The following LRP1B variants were observed in gnomAD, a reference collection of about 807,000 sequenced individuals.
LRP1B encodes low-density lipoprotein receptor-related protein 1B.
LRP1B carries 217 observed loss-of-function variants against 556.6 expected under a neutral mutation model. The observed-to-expected ratio is 0.39, with a 90% CI of 0.35 to 0.44. The LOEUF (loss-of-function observed/expected upper bound fraction) is 0.44. Among genes scored for constraint, LRP1B ranks in the 20% least tolerant of loss-of-function variants. The pLI, the probability that LRP1B is intolerant of heterozygous loss-of-function variation, is 1.00. For synonymous variants in LRP1B, 2,047 were observed against 1,865.8 expected (o/e 1.10, Z -2.50); for missense variants, 5,053 against 5,620.8 (o/e 0.90, Z 3.23).
chr2:141,430,022 T>G (rs1680507769), intron 3 of LRP1B, among the ~76,000 whole-genome samples: 1 of 152,218 alleles, frequency 6.6e-6, no homozygotes, highest in South Asian at 2.1e-4. Context: ...CTCTTCACAT[T>G]TGCATCATTC....
intron 2 of LRP1B, among the ~76,000 whole-genome samples, chr2:141,650,532 G>A (rs942615006): frequency 5.3e-5 from 8 of 152,124 alleles, no homozygotes; most frequent in Non-Finnish European, 8.8e-5. Flanking sequence ...CATTACCATG[G>A]CTGCCACTCA....
chr2:140,280,394 G>A (rs1233110034), intron 84 of LRP1B, among the ~76,000 whole-genome samples: 1 of 151,794 alleles, frequency 6.6e-6, no homozygotes, highest in Non-Finnish European at 1.5e-5. Flanking sequence ...AAGAGTGGTT[G>A]AAGACAAGAT....
chr2:140,615,175 G>A (rs758567913), intron 41 of LRP1B, among the ~76,000 whole-genome samples: 31 of 152,022 alleles, frequency 2.0e-4, no homozygotes, highest in Non-Finnish European at 3.4e-4. Context: ...TTCAAACCTT[G>A]CATTCTGATG....
At chr2:141,862,296 A>G (rs905027164) in intron 1 of LRP1B, among the ~76,000 whole-genome samples, 2 of 152,160 alleles carry the variant, frequency 1.3e-5, no homozygotes, top group African/African-American at 2.4e-5. Flanking sequence ...TGTATAGCTA[A>G]TATGCATTAT....
intron 41 of LRP1B, among the ~76,000 whole-genome samples, chr2:140,639,989 A>G (rs1313454032): frequency 6.6e-6 from 1 of 151,986 alleles, no homozygotes; most frequent in Non-Finnish European, 1.5e-5. Flanking sequence ...CTCAAATGCT[A>G]CATTGTTTTT....
intron 2 of LRP1B, among the ~76,000 whole-genome samples, chr2:141,631,016 G>C (rs1418032128): frequency 1.3e-5 from 2 of 152,028 alleles, no homozygotes; most frequent in Non-Finnish European, 2.9e-5. Context: ...TGCTATAAAC[G>C]ACTGCCTGAG....
At chr2:141,465,033 A>G (rs1285979866) in intron 3 of LRP1B, among the ~76,000 whole-genome samples, 1 of 152,190 alleles carries the variant, frequency 6.6e-6, no homozygotes, top group Non-Finnish European at 1.5e-5. Context: ...TACCATCAGA[A>G]GGAGAATAAG....
At chr2:141,955,298 T>G (rs1269263241) in intron 1 of LRP1B, among the ~76,000 whole-genome samples, 1 of 152,146 alleles carries the variant, frequency 6.6e-6, no homozygotes, top group Admixed American at 6.5e-5. Flanking sequence ...AGTTCATGTA[T>G]TGTCAACTAC....
At chr2:141,336,897 G>T (rs1345264546) in intron 3 of LRP1B, among the ~76,000 whole-genome samples, 2 of 152,072 alleles carry the variant, frequency 1.3e-5, no homozygotes, top group African/African-American at 4.8e-5. Context: ...TTTATTTGTT[G>T]AGTAGAATTC....
intron 84 of LRP1B, among the ~76,000 whole-genome samples, chr2:140,291,318 A>ATATATTTTTTT (rs369391920): frequency 0.076 from 8,302 of 109,152 alleles, 608 homozygotes; most frequent in Middle Eastern, 0.12. Flanking sequence ...ATATATATAT[A>ATATATTTTTTT]TTTTTATTAT....
intron 18 of LRP1B, among the ~76,000 whole-genome samples, chr2:140,976,430 A>G (rs1696600231): frequency 6.6e-6 from 1 of 152,012 alleles, no homozygotes; most frequent in Non-Finnish European, 1.5e-5. Context: ...TATCCATAAA[A>G]ATGAGTAATG....
chr2:140,470,228 T>A (rs1037290826), intron 60 of LRP1B, among the ~76,000 whole-genome samples: 1 of 152,190 alleles, frequency 6.6e-6, no homozygotes, highest in Admixed American at 6.5e-5. Context: ...CACTCAGGAC[T>A]GGGGATTGTT....
At chr2:140,678,425 T>A (rs1011315384) in intron 41 of LRP1B, among the ~76,000 whole-genome samples, 1 of 152,234 alleles carries the variant, frequency 6.6e-6, no homozygotes, top group Non-Finnish European at 1.5e-5. Context: ...GTAGTTTTCA[T>A]TTCTTATCTG....
chr2:141,148,685 C>T (rs1232630270), intron 7 of LRP1B, among the ~76,000 whole-genome samples: 1 of 152,068 alleles, frequency 6.6e-6, no homozygotes, highest in Admixed American at 6.6e-5. Context: ...CATGAAATAC[C>T]ATTATCTTAG....
At chr2:141,097,370 A>G (rs1700348436) in intron 7 of LRP1B, among the ~76,000 whole-genome samples, 1 of 152,186 alleles carries the variant, frequency 6.6e-6, no homozygotes, top group Non-Finnish European at 1.5e-5. Flanking sequence ...TTCTCTACCA[A>G]TTACCAAAAG....
At chr2:141,915,297 A>C (rs7584045) in intron 1 of LRP1B, among the ~76,000 whole-genome samples, 130,981 of 152,158 alleles carry the variant, frequency 0.86, 56,533 homozygotes, top group East Asian at 1. Context: ...TAGCCACATG[A>C]AGGAGAATGA....
intron 2 of LRP1B, among the ~76,000 whole-genome samples, chr2:141,669,714 T>C (rs565202086): frequency 6.7e-6 from 1 of 149,134 alleles, no homozygotes; most frequent in Non-Finnish European, 1.5e-5. Flanking sequence ...CATACTTCTA[T>C]TGTATTAAAA....
At chr2:141,052,279 G>A (rs903351061) in intron 10 of LRP1B, among the ~76,000 whole-genome samples, 6 of 151,746 alleles carry the variant, frequency 4.0e-5, no homozygotes, top group Non-Finnish European at 7.4e-5. Context: ...TGATACATTT[G>A]AAAATCATTA....
At chr2:140,258,061 C>T (rs1271013990) in intron 86 of LRP1B, among the ~76,000 whole-genome samples, 1 of 152,110 alleles carries the variant, frequency 6.6e-6, no homozygotes, top group East Asian at 1.9e-4. Context: ...CTTTCTAAAC[C>T]TTGTGACAGA....
Sources: gnomAD v4.1 joint callset for allele counts (sites outside exome capture counted in the v4.1 genomes callset) on GRCh38, gnomAD v4.1.1 for gene constraint, MANE v1.5 for transcripts, NCBI Gene and HGNC (gene_info 2026-07-23, HGNC 2026-07-21) for gene names.